PPP2R1B: variants seen among roughly 807,000 people sequenced by gnomAD.
The protein encoded by PPP2R1B is protein phosphatase 2 scaffold subunit Abeta, also known as serine/threonine-protein phosphatase 2A 65 kDa regulatory subunit A beta isoform.
A neutral mutation model predicts 72.7 loss-of-function variants in PPP2R1B; 58 were observed. The observed-to-expected ratio is 0.80, with a 90% CI of 0.65 to 0.99. The LOEUF (loss-of-function observed/expected upper bound fraction) is 0.99. PPP2R1B is among the 50% of genes least tolerant of loss of function. The pLI, the probability that PPP2R1B is intolerant of heterozygous loss-of-function variation, is 0.00. For synonymous variants in PPP2R1B, 256 were observed against 264.6 expected, an observed-to-expected ratio of 0.97 and a Z score of 0.32; for missense variants, 695 against 733.6, an observed-to-expected ratio of 0.95 and a Z score of 0.61.
At chr11:111,696,278 G>A in the PPP2R1B span, among the ~76,000 whole-genome samples, 306 of 152,290 alleles carry the variant, frequency 2.0e-3, 3 homozygotes, top group African/African-American at 7.1e-3. Context: ...GAAATGTTAA[G>A]TCTGTAGTTT....
At chr11:111,714,572 G>A in the PPP2R1B span, among the ~76,000 whole-genome samples, 1 of 152,206 alleles carries the variant, frequency 6.6e-6, no homozygotes, top group African/African-American at 2.4e-5. Context: ...GGCAGATAGA[G>A]ATGGTGCAGA....
chr11:111,759,154 C>G (rs1351159519), intron 5 of PPP2R1B, among the ~76,000 whole-genome samples: 3 of 152,210 alleles, frequency 2.0e-5, no homozygotes, highest in Admixed American at 6.5e-5. Context: ...CTACTGCTAA[C>G]TATGCAAACT....
the PPP2R1B span, chr11:111,703,409 C>A: frequency 6.2e-7 from 1 of 1,613,740 alleles, no homozygotes; most frequent in Non-Finnish European, 8.5e-7. Context: ...AATAGATCAG[C>A]AGAAAACCAT....
At chr11:111,762,738 A>G (rs886948582) in intron 3 of PPP2R1B, among the ~76,000 whole-genome samples, 1 of 151,078 alleles carries the variant, frequency 6.6e-6, no homozygotes, top group Non-Finnish European at 1.5e-5. Context: ...GGGTCTCACT[A>G]TGTTGCCCAG....
At chr11:111,723,660 C>T, downstream of PPP2R1B, 3 of 1,613,720 alleles carry the variant, frequency 1.9e-6, no homozygotes, top group East Asian at 2.2e-5. Context: ...TTCAGCCTGA[C>T]CCAGCCCCTG....
downstream of PPP2R1B, among the ~76,000 whole-genome samples, chr11:111,734,771 C>T (rs1944291544): frequency 6.6e-6 from 1 of 152,234 alleles, no homozygotes; most frequent in Non-Finnish European, 1.5e-5. Context: ...CCTTAAGGAG[C>T]TCCTCCCCTT....
the PPP2R1B span, chr11:111,701,085 C>T: frequency 6.5e-7 from 1 of 1,536,316 alleles, no homozygotes; most frequent in Non-Finnish European, 8.8e-7. The surrounding 1 kb of genome is among the most constrained non-coding windows in gnomAD (Gnocchi z 4.2). Flanking sequence ...ATCTTAGAAG[C>T]TCCTGGTACT....
downstream of PPP2R1B, among the ~76,000 whole-genome samples, chr11:111,734,585 C>T (rs116956840): frequency 7.3e-3 from 1,114 of 152,338 alleles, 8 homozygotes; most frequent in Middle Eastern, 0.048. Context: ...CACCAGCCTA[C>T]GTCTGACTTC....
the PPP2R1B span, among the ~76,000 whole-genome samples, chr11:111,708,703 C>T: frequency 1.3e-5 from 2 of 152,098 alleles, no homozygotes; most frequent in Non-Finnish European, 2.9e-5. Context: ...CCCATCTCAG[C>T]TTCCCAAGTA....
the PPP2R1B span, chr11:111,721,812 C>T: frequency 6.3e-7 from 1 of 1,580,436 alleles, no homozygotes; most frequent in Non-Finnish European, 8.6e-7. Context: ...AAATTGTTTC[C>T]ACCCCCTTGC....
chr11:111,737,438 G>A (rs757903218), downstream of PPP2R1B: 31 of 1,614,018 alleles, frequency 1.9e-5, no homozygotes, highest in African/African-American at 5.3e-5. Flanking sequence ...CCAGGCTTCC[G>A]GGCACTTACC....
At chr11:111,722,259 T>A (rs1415326968), downstream of PPP2R1B, among the ~76,000 whole-genome samples, 1 of 152,220 alleles carries the variant, frequency 6.6e-6, no homozygotes, top group Non-Finnish European at 1.5e-5. This position sits in a 1 kb window ranked among gnomAD's most constrained non-coding sequence, Gnocchi z 4.4. Context: ...AAACCTTAAG[T>A]CTGCAGAATT....
At chr11:111,722,580 C>G (rs1270902382), downstream of PPP2R1B, 2 of 1,268,362 alleles carry the variant, frequency 1.6e-6, no homozygotes, top group Non-Finnish European at 2.2e-6. The surrounding 1 kb of genome is among the most constrained non-coding windows in gnomAD (Gnocchi z 4.4). Context: ...CAGTTAGATT[C>G]ATCCTGCAGG....
the PPP2R1B span, chr11:111,704,880 C>G: frequency 7.5e-7 from 1 of 1,329,576 alleles, no homozygotes; most frequent in Non-Finnish European, 1.0e-6. Flanking sequence ...GTTTTTCACC[C>G]TATTTTTAAG....
rs1247915592 is a variant in PPP2R1B at position 111,738,962 on chromosome 11, A to G, written c.*2634T>C. The G allele has an allele frequency of 3.0e-6, 3 of 984,506 alleles. No individual in the cohort carries two copies. The highest frequency in any genetic ancestry group is 2.3e-4 in the East Asian group (2 of 8,792). The allele number at this position is 984,506 out of a possible 1,614,324, so 61.0% of individuals were successfully genotyped here. ...TTCTAATCAAACAAACAACTGATGT[A>G]AGCTGCCAAGGATGAAAAACAACAT... On this transcript the variant is annotated 3_prime_UTR_variant, in exon 15 of 15. Transcript: ENST00000527614.
At chr11:111,751,500 T>C (rs1370375701) in intron 10 of PPP2R1B, among the ~76,000 whole-genome samples, 1 of 152,202 alleles carries the variant, frequency 6.6e-6, no homozygotes, top group Non-Finnish European at 1.5e-5. Context: ...TTTTGAGCAC[T>C]GATATGATGC....
intron 5 of PPP2R1B, 58 bp from the exon 6 acceptor site, chr11:111,755,508 G>A (rs568489710): frequency 2.0e-6 from 3 of 1,508,246 alleles, no homozygotes; most frequent in Admixed American, 4.5e-5. Flanking sequence ...GGGAACTGCT[G>A]TGGGGTGGTG....
chr11:111,703,079 A>T, the PPP2R1B span: 1 of 760,610 alleles, frequency 1.3e-6, no homozygotes, highest in Non-Finnish European at 2.1e-6. Flanking sequence ...TATTCATTTG[A>T]CCTTCTGCTT....
At chr11:111,764,691 T>C in intron 3 of PPP2R1B, 114 bp downstream of exon 3, 1 of 1,003,178 alleles carries the variant, frequency 1.0e-6, no homozygotes, top group Non-Finnish European at 1.5e-6. Flanking sequence ...ATTATGACTA[T>C]CTGCCCATAA....
Sources: allele counts gnomAD v4.1 joint callset (sites outside exome capture counted in the v4.1 genomes callset), GRCh38; gene constraint gnomAD v4.1.1; non-coding constraint Gnocchi (gnomAD v3.1); transcripts MANE v1.5; gene names NCBI Gene and HGNC (gene_info 2026-07-23, HGNC 2026-07-21).